Variants in IPO11 observed in about 807,000 individuals in gnomAD.
IPO11 encodes the protein importin-11.
IPO11 carries 66 observed loss-of-function variants against 143.2 expected under a neutral mutation model. The observed-to-expected ratio is 0.46, with a 90% confidence interval of 0.38 to 0.57. IPO11 has a LOEUF of 0.57. Among genes scored for constraint, IPO11 ranks in the 20% least tolerant of loss-of-function variants. The pLI is 0.00. For synonymous variants in IPO11, 385 were observed against 377.8 expected (o/e 1.02, Z -0.22); for missense variants, 1,026 against 1,141.0 (o/e 0.90, Z 1.45).
chr5:62,598,954 A>G (rs1745396544), intron 28 of IPO11, among the ~76,000 whole-genome samples: 2 of 152,146 alleles, frequency 1.3e-5, no homozygotes, highest in Non-Finnish European at 1.5e-5. Context: ...ATAAGTAGGA[A>G]GCGTTTTGGT....
intron 16 of IPO11, among the ~76,000 whole-genome samples, chr5:62,501,541 T>C (rs932138084): frequency 1.3e-5 from 2 of 152,188 alleles, no homozygotes; most frequent in African/African-American, 4.8e-5. Context: ...TGAATTTATT[T>C]ATTTATTTTT....
chr5:62,528,275 A>G (rs958801567), intron 21 of IPO11, among the ~76,000 whole-genome samples: 1 of 152,206 alleles, frequency 6.6e-6, no homozygotes, highest in Admixed American at 6.6e-5. Flanking sequence ...TGATTTTCCT[A>G]GTAAGATTAG....
intron 27 of IPO11, chr5:62,579,000 A>G: frequency 4.2e-6 from 1 of 240,886 alleles, no homozygotes; most frequent in South Asian, 4.7e-5. Flanking sequence ...GAAAAACTGT[A>G]ATTTAGAATT....
intron 16 of IPO11, among the ~76,000 whole-genome samples, chr5:62,499,456 A>G (rs1741268737): frequency 6.6e-6 from 1 of 152,222 alleles, no homozygotes; most frequent in Non-Finnish European, 1.5e-5. Flanking sequence ...GTGAAAGCCT[A>G]GAAAATCACT....
At chr5:62,510,317 T>C (rs1191536731) in intron 19 of IPO11, among the ~76,000 whole-genome samples, 10 of 152,214 alleles carry the variant, frequency 6.6e-5, no homozygotes, top group African/African-American at 4.8e-5. Context: ...CAAAAAGTTA[T>C]AAAATAGATC....
At chr5:62,502,300 A>G (rs1168376288) in intron 16 of IPO11, among the ~76,000 whole-genome samples, 1 of 152,066 alleles carries the variant, frequency 6.6e-6, no homozygotes, top group Admixed American at 6.6e-5. Context: ...AGACTTTTCT[A>G]CCAGTCTTCT....
intron 16 of IPO11, among the ~76,000 whole-genome samples, chr5:62,502,308 T>G (rs577343962): frequency 1.3e-5 from 2 of 152,298 alleles, no homozygotes; most frequent in African/African-American, 4.8e-5. Context: ...CTACCAGTCT[T>G]CTAGCACACT....
At chr5:62,514,604 G>GGGAGAGGGAGAA (rs1491544128) in intron 19 of IPO11, among the ~76,000 whole-genome samples, 1 of 17,958 alleles carries the variant, frequency 5.6e-5, no homozygotes, top group Non-Finnish European at 1.2e-4. Context: ...AGAGGGAGAC[G>GGGAGAGGGAGAA]GGAGAGGGAG....
intron 20 of IPO11, among the ~76,000 whole-genome samples, chr5:62,517,996 G>A (rs1168978591): frequency 6.6e-6 from 1 of 152,044 alleles, no homozygotes; most frequent in African/African-American, 2.4e-5. Context: ...AGCCGTTTGG[G>A]AAGATTATAC....
intron 22 of IPO11, among the ~76,000 whole-genome samples, chr5:62,531,983 A>G (rs1000076044): frequency 1.3e-5 from 2 of 152,146 alleles, no homozygotes; most frequent in African/African-American, 4.8e-5. Context: ...GTTCTGTTCT[A>G]CCTAACTTGG....
chr5:62,527,697 G>A (rs902300767), intron 21 of IPO11, among the ~76,000 whole-genome samples: 1 of 152,160 alleles, frequency 6.6e-6, no homozygotes, highest in Non-Finnish European at 1.5e-5. Context: ...GCACGGCTTT[G>A]TTAATGGTAA....
chr5:62,483,273 A>G lies in IPO11; in HGVS notation c.1001A>G (p.Lys334Arg), dbSNP rs757282953. 6.4e-7 allele frequency: 1 copy of G among 1,570,126 alleles called. No individual in the cohort carries two copies. The highest frequency in any genetic ancestry group is 2.3e-5 in the East Asian group (1 of 44,000). The change falls in exon 10 of 30, where the codon AAG (lysine) becomes AGG (arginine). Residue 334 changes from lysine (K) to arginine (R), a missense_variant. This residue lies in a region of IPO11 where 429 missense variants were observed against 456.3 expected (regional missense o/e 0.94). Transcript: ENST00000325324. ...ATGATTGTCAAAAATTATGCTTATAAGCCATCCAAAAATTTTGAAGGTAAT... is the reference window on the plus strand; with the variant it reads ...ATGATTGTCAAAAATTATGCTTATAGGCCATCCAAAAATTTTGAAGGTAAT... Reference protein sequence around the residue: ...IKMIVKNYAYKPSKNFEDSSP... With the variant: ...IKMIVKNYAYRPSKNFEDSSP...
intron 20 of IPO11, among the ~76,000 whole-genome samples, chr5:62,523,873 C>A (rs1742281662): frequency 6.6e-6 from 1 of 152,072 alleles, no homozygotes. Context: ...GCCAAGGATA[C>A]TACCCTGAGA....
chr5:62,577,129 G>A (rs1744342916), intron 27 of IPO11, among the ~76,000 whole-genome samples: 1 of 152,312 alleles, frequency 6.6e-6, no homozygotes. Context: ...TCTAAGAACA[G>A]CAACTCCTAA....
intron 22 of IPO11, among the ~76,000 whole-genome samples, chr5:62,536,236 A>C (rs554269154): frequency 1.0e-3 from 158 of 152,306 alleles, no homozygotes; most frequent in African/African-American, 3.6e-3. Flanking sequence ...AAAATGATTC[A>C]GTTTCATGTA....
At chr5:62,478,817 C>CA (rs2112214258) in intron 9 of IPO11, among the ~76,000 whole-genome samples, 1 of 152,304 alleles carries the variant, frequency 6.6e-6, no homozygotes, top group South Asian at 2.1e-4. Flanking sequence ...GAGGTTTAGT[C>CA]ACTTTCAGGC....
chr5:62,598,701 C>T (rs1409445259), intron 28 of IPO11, among the ~76,000 whole-genome samples: 1 of 150,850 alleles, frequency 6.6e-6, no homozygotes, highest in African/African-American at 2.4e-5. Flanking sequence ...CGTGCCACCA[C>T]GCCTGGCTAA....
intron 27 of IPO11, among the ~76,000 whole-genome samples, chr5:62,564,436 G>A (rs996462083): frequency 9.2e-5 from 14 of 152,168 alleles, no homozygotes; most frequent in East Asian, 7.7e-4. Context: ...CTATTCTTGC[G>A]TTTCTTTTAG....
intron 29 of IPO11, among the ~76,000 whole-genome samples, chr5:62,626,046 T>C (rs1262838496): frequency 2.0e-5 from 3 of 152,308 alleles, no homozygotes; most frequent in Admixed American, 6.5e-5. Flanking sequence ...CTTTTTTTTT[T>C]CGAGACGGAG....
Sources: gnomAD v4.1 joint callset for allele counts (sites outside exome capture counted in the v4.1 genomes callset) on GRCh38, gnomAD v4.1.1 for gene constraint, gnomAD v4.1.1 regional missense constraint, MANE v1.5 for transcripts, NCBI Gene and HGNC (gene_info 2026-07-23, HGNC 2026-07-21) for gene names.